The following ANXA4 variants were observed in gnomAD, a reference collection of about 807,000 sequenced individuals.
The protein encoded by ANXA4 is 35-beta calcimedin.
A neutral mutation model predicts 49.8 loss-of-function variants in ANXA4; 39 were observed. The ratio of observed to expected loss-of-function variants is 0.78; its 90% CI spans 0.61 to 1.02. ANXA4 has a LOEUF of 1.02. Among genes scored for constraint, ANXA4 ranks in the 50% least tolerant of loss-of-function variants. ANXA4 has a pLI of 0.00. For synonymous variants in ANXA4, 134 were observed against 152.5 expected (o/e 0.88, Z 0.89); for missense variants, 360 against 410.1 (o/e 0.88, Z 1.05).
chr2:69,774,327 GCCCC>G (rs71397354), intron 1 of ANXA4, among the ~76,000 whole-genome samples: 13 of 89,502 alleles, frequency 1.5e-4, no homozygotes, highest in African/African-American at 5.2e-4. Flanking sequence ...TGTAAAAGGA[GCCCC>G]CCCCCCCCCT....
intron 2 of ANXA4, among the ~76,000 whole-genome samples, chr2:69,717,879 A>G (rs1201893986): frequency 6.6e-6 from 1 of 152,176 alleles, no homozygotes; most frequent in Non-Finnish European, 1.5e-5. Flanking sequence ...TACACAACCT[A>G]TGCACTCCCT....
intron 1 of ANXA4, among the ~76,000 whole-genome samples, chr2:69,646,675 A>G (rs1455510242): frequency 6.6e-6 from 1 of 152,228 alleles, no homozygotes; most frequent in African/African-American, 2.4e-5. Context: ...TGTGTCAGGC[A>G]AGGGTTAAGT....
intron 2 of ANXA4, 111 bp downstream of exon 2, chr2:69,781,685 A>G: frequency 2.3e-6 from 3 of 1,290,916 alleles, no homozygotes; most frequent in Non-Finnish European, 3.3e-6. Context: ...ACAGAGGGGA[A>G]GGAGGAGGAC....
At chr2:69,714,518 G>A (rs1481456521) in intron 2 of ANXA4, among the ~76,000 whole-genome samples, 1 of 152,212 alleles carries the variant, frequency 6.6e-6, no homozygotes, top group Non-Finnish European at 1.5e-5. Flanking sequence ...CAGCCAGCCT[G>A]CTGTCCACAG....
At chr2:69,771,027 G>C (rs999335067) in intron 1 of ANXA4, among the ~76,000 whole-genome samples, 2 of 145,960 alleles carry the variant, frequency 1.4e-5, no homozygotes, top group Non-Finnish European at 3.0e-5. Context: ...TAAGTAGTTC[G>C]AGGCTGAAGT....
intron 2 of ANXA4, among the ~76,000 whole-genome samples, chr2:69,785,625 G>A (rs1381496903): frequency 6.6e-6 from 1 of 151,972 alleles, no homozygotes; most frequent in Non-Finnish European, 1.5e-5. Context: ...TGGGTTTTGT[G>A]CTAAGTGCAT....
chr2:69,667,763 A>G (rs1676992193), intron 2 of ANXA4, among the ~76,000 whole-genome samples: 1 of 152,238 alleles, frequency 6.6e-6, no homozygotes, highest in Admixed American at 6.5e-5. Context: ...TCCCAAGGCC[A>G]TGGCAGCTGA....
At chr2:69,651,824 G>GAGA (rs1676254133) in intron 1 of ANXA4, among the ~76,000 whole-genome samples, 1 of 51,742 alleles carries the variant, frequency 1.9e-5, no homozygotes, top group Admixed American at 2.0e-4. Context: ...TTTTGGGGGG[G>GAGA]GGGGGCGGGG....
upstream of ANXA4, chr2:69,644,039 C>T (rs1675889990): frequency 3.2e-6 from 1 of 315,150 alleles, no homozygotes; most frequent in Non-Finnish European, 4.8e-6. Flanking sequence ...CAGCATACTC[C>T]TGGAGGAGAG....
chr2:69,747,663 G>T (rs1049916171), intron 1 of ANXA4, among the ~76,000 whole-genome samples: 3 of 152,146 alleles, frequency 2.0e-5, no homozygotes, highest in Non-Finnish European at 4.4e-5. Context: ...GTAATGAGTT[G>T]CAGTCAAAAC....
In ANXA4 at chr2:69,781,530, G is replaced by C. The variant is rs1296448147; in HGVS notation, c.-36G>C. 6.2e-7 allele frequency: 1 copy of C among 1,613,576 alleles called. No homozygotes were observed. Among genetic ancestry groups the C allele is most frequent in the Non-Finnish European group, 8.5e-7 (1 of 1,179,708 alleles). On this transcript the variant is annotated 5_prime_UTR_variant, in exon 2 of 13. Transcript: ENST00000394295. ...CTGCTTTTATCACAGAAGAACTTCT[G>C]CTTGGGTGGCTGAACTCTGATCTTG...
At chr2:69,811,784 T>G (rs1487235419) in intron 7 of ANXA4, among the ~76,000 whole-genome samples, 2 of 152,166 alleles carry the variant, frequency 1.3e-5, no homozygotes, top group Non-Finnish European at 2.9e-5. Context: ...CTGGAAATCA[T>G]CTCCAATTTC....
chr2:69,743,876 CTCCAGGCCTTGGTGTTT>C (rs1670511159), intron 1 of ANXA4, among the ~76,000 whole-genome samples: 1 of 152,230 alleles, frequency 6.6e-6, no homozygotes, highest in Non-Finnish European at 1.5e-5. Flanking sequence ...CCATGTACCA[CTCCAGGCCTTGGTGTTT>C]AAAGGGTGAG....
chr2:69,820,720 A>G lies in ANXA4; in HGVS notation c.805A>G (p.Thr269Ala), dbSNP rs1674208079. 4 of 1,613,928 alleles carry G rather than the reference A, an allele frequency of 2.5e-6. No individual in the cohort carries two copies. The highest frequency in any genetic ancestry group is 3.4e-6 in the Non-Finnish European group (4 of 1,179,980). ...SMKGLGTDDN[T>A]LIRVMVSRAE... Reference sequence around the variant, plus strand: ...TTAGGGCTTGGGCACCGATGATAACACCCTCATCAGAGTGATGGTTTCTCG... The same window carrying G: ...TTAGGGCTTGGGCACCGATGATAACGCCCTCATCAGAGTGATGGTTTCTCG... Residue 269 changes from threonine to alanine, a missense_variant, in exon 12 of 13, where the codon ACC (threonine) becomes GCC (alanine). By Grantham distance (58) the Thr-to-Ala change is moderately conservative. Coordinates refer to ENST00000394295, the MANE Select transcript of ANXA4 (RefSeq NM_001153.5).
chr2:69,655,882 A>G (rs1420200198), intron 2 of ANXA4, among the ~76,000 whole-genome samples: 1 of 152,162 alleles, frequency 6.6e-6, no homozygotes, highest in Non-Finnish European at 1.5e-5. Flanking sequence ...TTGCAGGAAC[A>G]TGGATGAAGC....
chr2:69,703,906 C>T (rs1678409458), intron 2 of ANXA4, among the ~76,000 whole-genome samples: 1 of 152,146 alleles, frequency 6.6e-6, no homozygotes, highest in Non-Finnish European at 1.5e-5. Flanking sequence ...TCCCAGGTAG[C>T]TAGGACTACA....
At chr2:69,788,745 G>A (rs1034579919) in intron 3 of ANXA4, among the ~76,000 whole-genome samples, 1 of 151,560 alleles carries the variant, frequency 6.6e-6, no homozygotes, top group African/African-American at 2.4e-5. Context: ...GGCTGAGGCA[G>A]GAGAATGGCG....
At chr2:69,806,270 C>T in intron 4 of ANXA4, 115 bp from the exon 5 acceptor site, 1 of 670,630 alleles carries the variant, frequency 1.5e-6, no homozygotes, top group Admixed American at 2.5e-5. Flanking sequence ...ATAGTTTTGA[C>T]TTGCAGGCCC....
chr2:69,794,522 A>ATGTTATGTTATG (rs1672840988), intron 3 of ANXA4, among the ~76,000 whole-genome samples: 8 of 126,338 alleles, frequency 6.3e-5, no homozygotes, highest in East Asian at 2.4e-4. Flanking sequence ...GTTATGTTAT[A>ATGTTATGTTATG]TTATGTTATG....
Sources: allele counts gnomAD v4.1 joint callset (sites outside exome capture counted in the v4.1 genomes callset), GRCh38; gene constraint gnomAD v4.1.1; transcripts MANE v1.5; gene names NCBI Gene and HGNC (gene_info 2026-07-23, HGNC 2026-07-21).